The following ACAP2 variants were observed in gnomAD, a reference collection of about 807,000 sequenced individuals.
The protein encoded by ACAP2 is arf-GAP with coiled-coil, ANK repeat and PH domain-containing protein 2.
Under a neutral mutation model 115.8 loss-of-function variants are expected in ACAP2, and 39 were observed. The observed-to-expected ratio is 0.34, with a 90% confidence interval of 0.26 to 0.44. The LOEUF (loss-of-function observed/expected upper bound fraction) is 0.44, where lower values mean the gene tolerates loss of function less well. ACAP2 is among the 20% of genes least tolerant of loss of function. The pLI is 1.00. For missense variants in ACAP2, 662 were observed against 927.6 expected, an observed-to-expected ratio of 0.71 and a Z score of 3.72; for synonymous variants, 289 against 315.8, an observed-to-expected ratio of 0.92 and a Z score of 0.90.
At chr3:195,342,356 T>C in intron 6 of ACAP2, 115 bp downstream of exon 6, 1 of 1,054,268 alleles carries the variant, frequency 9.5e-7, no homozygotes. Context: ...TAAGATTATG[T>C]TTTAACTTTA....
intron 18 of ACAP2, among the ~76,000 whole-genome samples, chr3:195,294,414 C>CTT (rs1257797722): frequency 1.4e-4 from 21 of 150,266 alleles, no homozygotes; most frequent in African/African-American, 4.6e-4. Flanking sequence ...CTCGTCCCTA[C>CTT]TAAAAACACA....
chr3:195,394,901 G>A (rs117821346), intron 1 of ACAP2, among the ~76,000 whole-genome samples: 1 of 151,216 alleles, frequency 6.6e-6, no homozygotes, highest in Non-Finnish European at 1.5e-5. Flanking sequence ...CTGGGCCACA[G>A]GGCAAGACTC....
intron 20 of ACAP2, 40 bp from the exon 21 acceptor site, chr3:195,289,271 GA>G (rs778689853): frequency 4.6e-5 from 64 of 1,392,084 alleles, no homozygotes; most frequent in Middle Eastern, 1.8e-4. Context: ...TTGTCGATAA[GA>G]AAAAAAAATT....
chr3:195,412,863 A>G (rs1256522543), intron 1 of ACAP2: 1 of 456,350 alleles, frequency 2.2e-6, no homozygotes, highest in African/African-American at 2.0e-5. Context: ...CACGCACTGT[A>G]CTAGAGACTT....
intron 1 of ACAP2, among the ~76,000 whole-genome samples, chr3:195,418,241 G>T (rs528411124): frequency 1.3e-5 from 2 of 152,132 alleles, no homozygotes; most frequent in Non-Finnish European, 2.9e-5. Flanking sequence ...ATGCAAGACA[G>T]AGGTCTTTCT....
chr3:195,425,026 CAAAAAAAAAAAAAAAAA>C (rs10690317), intron 1 of ACAP2, among the ~76,000 whole-genome samples: 2 of 26,654 alleles, frequency 7.5e-5, no homozygotes, highest in Admixed American at 6.1e-4. Context: ...GACTCCGTCT[CAAAAAAAAAAAAAAAAA>C]AAAAAAAAAA....
chr3:195,388,426 G>C (rs780221315), intron 2 of ACAP2, among the ~76,000 whole-genome samples: 1 of 152,234 alleles, frequency 6.6e-6, no homozygotes, highest in Non-Finnish European at 1.5e-5. Context: ...ATTGAACTCC[G>C]TAGAGCAATG....
chr3:195,359,445 A>G (rs914748493), intron 4 of ACAP2, among the ~76,000 whole-genome samples: 1 of 152,174 alleles, frequency 6.6e-6, no homozygotes, highest in African/African-American at 2.4e-5. Flanking sequence ...AAGTGAGGAC[A>G]CAGTGTTAAA....
At chr3:195,317,364 AAAC>A (rs1023706729) in intron 10 of ACAP2, among the ~76,000 whole-genome samples, 16 of 152,336 alleles carry the variant, frequency 1.1e-4, no homozygotes, top group African/African-American at 3.6e-4. Flanking sequence ...TTTAAAATAA[AAAC>A]AACCTTCATC....
At chr3:195,363,836 C>T (rs1732533846) in intron 4 of ACAP2, among the ~76,000 whole-genome samples, 2 of 152,040 alleles carry the variant, frequency 1.3e-5, no homozygotes, top group Admixed American at 6.6e-5. Flanking sequence ...AACTCATTTT[C>T]GACAAAGGTG....
At chr3:195,382,069 ATTAC>A (rs1205117154) in intron 2 of ACAP2, 47 bp from the exon 3 acceptor site, 2 of 1,568,642 alleles carry the variant, frequency 1.3e-6, no homozygotes, top group Non-Finnish European at 1.7e-6. Context: ...AGTTTTACAA[ATTAC>A]TTAGTTGAAC....
At chr3:195,410,956 C>A in intron 1 of ACAP2, 1 of 368,830 alleles carries the variant, frequency 2.7e-6, no homozygotes, top group Non-Finnish European at 5.4e-6. Context: ...ATAGCTGGCC[C>A]TCACCAGACA....
In ACAP2 at chr3:195,275,549, C is replaced by CA. The variant is rs1442066350; in HGVS notation, c.*3778dup. 2 of 152,334 alleles carry CA rather than the reference C, an allele frequency of 1.3e-5. No individual in the cohort carries two copies. Among genetic ancestry groups the CA allele is most frequent in the Non-Finnish European group, 2.9e-5 (2 of 68,032 alleles). 9.4% of individuals were successfully genotyped at this position (152,334 alleles called of 1,614,324 possible). A position where few individuals can be genotyped will look rare whatever the true frequency, so the allele number is the denominator to read the frequency against. On this transcript the variant is annotated 3_prime_UTR_variant, in exon 23 of 23. Coordinates refer to ENST00000326793, the MANE Select transcript of ACAP2 (RefSeq NM_012287.6). The stretch of plus-strand genomic sequence containing the variant: ...GTTATCAAAGCACAAGGAAAGCTGG[C>CA]ATTCATTATCAGACTTCGCTGCTTT...
chr3:195,376,693 G>A (rs1407376155), intron 4 of ACAP2, among the ~76,000 whole-genome samples: 2 of 152,082 alleles, frequency 1.3e-5, no homozygotes, highest in Non-Finnish European at 2.9e-5. Context: ...TTAAATGACT[G>A]GACAATCTGA....
intron 21 of ACAP2, among the ~76,000 whole-genome samples, chr3:195,288,202 A>G (rs954488833): frequency 2.6e-5 from 4 of 152,202 alleles, no homozygotes; most frequent in African/African-American, 9.7e-5. Context: ...CATGGGCTTT[A>G]GGGCCACAAT....
intron 4 of ACAP2, among the ~76,000 whole-genome samples, chr3:195,350,739 T>C (rs1731510995): frequency 6.6e-6 from 1 of 151,960 alleles, no homozygotes; most frequent in Non-Finnish European, 1.5e-5. Context: ...TTTATTTTTT[T>C]TACAAAAGGT....
At chr3:195,435,503 T>C (rs1489539064) in intron 1 of ACAP2, among the ~76,000 whole-genome samples, 1 of 152,068 alleles carries the variant, frequency 6.6e-6, no homozygotes, top group Non-Finnish European at 1.5e-5. Flanking sequence ...AGGTATAAAT[T>C]TCTCTCTAAG....
intron 20 of ACAP2, among the ~76,000 whole-genome samples, chr3:195,289,477 T>C (rs529586645): frequency 3.3e-5 from 5 of 151,712 alleles, no homozygotes; most frequent in South Asian, 2.1e-4. Context: ...GCATGGTGGA[T>C]ATATAAGTTG....
At chr3:195,351,829 A>G (rs970231047) in intron 4 of ACAP2, among the ~76,000 whole-genome samples, 4 of 152,226 alleles carry the variant, frequency 2.6e-5, no homozygotes, top group African/African-American at 9.6e-5. Context: ...TGGCAAAGAA[A>G]CAAAATGCTC....
Sources: gnomAD v4.1 joint callset for allele counts (sites outside exome capture counted in the v4.1 genomes callset) on GRCh38, gnomAD v4.1.1 for gene constraint, MANE v1.5 for transcripts, NCBI Gene and HGNC (gene_info 2026-07-23, HGNC 2026-07-21) for gene names.